The following DHRSX variants were observed in gnomAD, a reference collection of about 807,000 sequenced individuals.
DHRSX encodes the protein dehydrogenase/reductase X-linked, also known as polyprenol dehydrogenase.
In DHRSX, 31 loss-of-function variants were observed where a neutral mutation model predicts 34.0. The ratio of observed to expected loss-of-function variants is 0.91; its 90% CI spans 0.69 to 1.23. DHRSX has a LOEUF of 1.23. Among genes scored for constraint, DHRSX ranks in the 50% most tolerant of loss-of-function variants. DHRSX has a pLI of 0.00. For missense variants in DHRSX, 414 were observed against 428.1 expected, an observed-to-expected ratio of 0.97 and a Z score of 0.29; for synonymous variants, 201 against 183.8, an observed-to-expected ratio of 1.09 and a Z score of -0.76.
rs180991652 is a variant in DHRSX at position 2,307,546 on chromosome X, G to A, written c.287-15943C>T. On this transcript the variant is annotated intron_variant, in intron 3 of 6. Coordinates refer to ENST00000334651, the MANE Select transcript of DHRSX (RefSeq NM_145177.3). ...TGGGAGGCCGAGGCGGGTGGATCACGAGGGGTCAGGAGATCGAGACCATCC... is the reference window on the plus strand; with the variant it reads ...TGGGAGGCCGAGGCGGGTGGATCACAAGGGGTCAGGAGATCGAGACCATCC... 4.0e-3 allele frequency among the ~76,000 whole-genome samples: 605 copies of A among 152,048 alleles called. 2 individuals carry two copies. The highest frequency in any genetic ancestry group is 0.014 in the African/African-American group (574 of 41,502).
intron 6 of DHRSX, among the ~76,000 whole-genome samples, chrX:2,230,917 T>C (rs2015861959): frequency 6.6e-6 from 1 of 152,164 alleles, no homozygotes. Flanking sequence ...TCTTGAGAAC[T>C]GCGACTAATA....
At chrX:2,484,119 C>T (rs1181606770) in intron 1 of DHRSX, among the ~76,000 whole-genome samples, 2 of 152,060 alleles carry the variant, frequency 1.3e-5, no homozygotes, top group African/African-American at 4.8e-5. Flanking sequence ...ATTACAGGTG[C>T]CCACCACCAT....
At position 2,259,537 on chromosome X, in the gene DHRSX, T is replaced by G. The variant is rs779181750; in HGVS notation, c.596+7203A>C. On this transcript the variant is annotated intron_variant, in intron 5 of 6. Coordinates refer to ENST00000334651, the MANE Select transcript of DHRSX (RefSeq NM_145177.3). ...GACTTTGAAGTTCCTTGATCTGCTT[T>G]GCAATCTGTATTACTTTCCTGGGAT... 5.3e-5 allele frequency among the ~76,000 whole-genome samples: 8 copies of G among 152,256 alleles called. No individual in the cohort carries two copies. The South Asian group carries it at 1.0e-3, about 20-fold the overall frequency.
At chrX:2,260,204 C>T (rs1418178200) in intron 5 of DHRSX, among the ~76,000 whole-genome samples, 5 of 151,824 alleles carry the variant, frequency 3.3e-5, no homozygotes, top group African/African-American at 1.2e-4. Flanking sequence ...ATTTAGGGCC[C>T]TTCTTATATG....
chrX:2,231,321 T>C (rs2015870729), intron 6 of DHRSX, among the ~76,000 whole-genome samples: 1 of 152,140 alleles, frequency 6.6e-6, no homozygotes, highest in Admixed American at 6.6e-5. Context: ...ATTTCCAATG[T>C]GTACCTCAAA....
intron 2 of DHRSX, among the ~76,000 whole-genome samples, chrX:2,419,986 A>C (rs1291768806): frequency 2.0e-5 from 3 of 152,176 alleles, no homozygotes; most frequent in Admixed American, 6.5e-5. Context: ...TTTTAAAAAA[A>C]AAGTTTCTAT....
chrX:2,408,523 C>T (rs2043587165), intron 3 of DHRSX, among the ~76,000 whole-genome samples: 1 of 152,142 alleles, frequency 6.6e-6, no homozygotes, highest in Admixed American at 6.5e-5. Flanking sequence ...GCATGCCTTT[C>T]CTAGCAGATG....
chrX:2,344,855 A>C (rs2124565837), intron 3 of DHRSX, among the ~76,000 whole-genome samples: 1 of 136,558 alleles, frequency 7.3e-6, no homozygotes, highest in African/African-American at 2.7e-5. Context: ...CCAGAACTTA[A>C]AGTATATAAA....
chrX:2,478,386 C>CCA (rs1232984431), intron 1 of DHRSX, among the ~76,000 whole-genome samples: 6 of 152,120 alleles, frequency 3.9e-5, no homozygotes, highest in African/African-American at 1.4e-4. Context: ...AAGAATGTGG[C>CCA]AGGGACACAT....
intron 5 of DHRSX, among the ~76,000 whole-genome samples, chrX:2,246,750 A>AAG (rs1204935283): frequency 8.0e-4 from 87 of 108,428 alleles, no homozygotes; most frequent in African/African-American, 2.6e-3. Context: ...GAAAGAAAGA[A>AAG]AAAGAAAGAA....
intron 3 of DHRSX, among the ~76,000 whole-genome samples, chrX:2,335,796 G>C (rs2042552467): frequency 6.6e-6 from 1 of 151,754 alleles, no homozygotes. Context: ...GCTCTGAGAA[G>C]TTCCCAGCTT....
At chrX:2,327,727 T>A (rs1012635728) in intron 3 of DHRSX, among the ~76,000 whole-genome samples, 1 of 151,986 alleles carries the variant, frequency 6.6e-6, no homozygotes, top group African/African-American at 2.4e-5. Flanking sequence ...AAGAGGTGAT[T>A]AAGGTAAAAC....
intron 1 of DHRSX, among the ~76,000 whole-genome samples, chrX:2,437,146 C>T (rs895234552): frequency 1.2e-4 from 19 of 152,164 alleles, no homozygotes; most frequent in African/African-American, 3.1e-4. Flanking sequence ...TACAGGTGCC[C>T]GCCACCACAC....
At chrX:2,469,315 T>G (rs1476016724) in intron 1 of DHRSX, among the ~76,000 whole-genome samples, 2 of 147,312 alleles carry the variant, frequency 1.4e-5, no homozygotes, top group Non-Finnish European at 1.5e-5. Flanking sequence ...AGAATGTGGA[T>G]AAGGGACCGC....
intron 3 of DHRSX, among the ~76,000 whole-genome samples, chrX:2,389,620 C>T (rs1034512057): frequency 5.3e-5 from 8 of 152,104 alleles, no homozygotes; most frequent in Admixed American, 2.6e-4. Flanking sequence ...TTGACACACA[C>T]GAGTCACTCA....
chrX:2,293,843 C>T (rs978797189), intron 3 of DHRSX, among the ~76,000 whole-genome samples: 3 of 151,948 alleles, frequency 2.0e-5, no homozygotes, highest in Admixed American at 6.6e-5. Context: ...TCTGCCTGTG[C>T]CCCCCATGTC....
intron 1 of DHRSX, among the ~76,000 whole-genome samples, chrX:2,429,839 T>C (rs2124655126): frequency 6.6e-6 from 1 of 151,268 alleles, no homozygotes; most frequent in East Asian, 1.9e-4. Flanking sequence ...AAATATACTT[T>C]GCAGATGATA....
rs533398667 is a variant in DHRSX at position 2,412,629 on chromosome X, C to A, written c.218-3816G>T. Among the ~76,000 whole-genome samples the A allele has an allele frequency of 4.6e-5, 7 of 151,800 alleles. 1 individual carries two copies. Among genetic ancestry groups the A allele is most frequent in the African/African-American group, 1.5e-4 (6 of 41,196 alleles). ...AATCAGCCCCTTATAGAGATATCTA[C>A]ACCCCCATGTTCGTTGCAGCATGAT... On this transcript the variant is annotated intron_variant, in intron 2 of 6. Coordinates refer to ENST00000334651, the MANE Select transcript of DHRSX (RefSeq NM_145177.3).
At chrX:2,499,225 T>C (rs1359434795) in intron 1 of DHRSX, among the ~76,000 whole-genome samples, 2 of 152,022 alleles carry the variant, frequency 1.3e-5, no homozygotes, top group Non-Finnish European at 2.9e-5. Context: ...AGGCGTGCAG[T>C]AGTGTCTTCC....
Sources: allele counts gnomAD v4.1 joint callset (sites outside exome capture counted in the v4.1 genomes callset), GRCh38; gene constraint gnomAD v4.1.1; transcripts MANE v1.5; gene names NCBI Gene and HGNC (gene_info 2026-07-23, HGNC 2026-07-21).